Variants in NAV2 observed in about 807,000 individuals in gnomAD.
The protein encoded by NAV2 is helicase, APC down-regulated 1.
In NAV2, 54 loss-of-function variants were observed where a neutral mutation model predicts 223.2. That is an observed-to-expected ratio of 0.24 (90% CI 0.19 to 0.30). The LOEUF (loss-of-function observed/expected upper bound fraction) is 0.30, where lower values mean the gene tolerates loss of function less well. Ranked by LOEUF, NAV2 falls within the 10% of genes least tolerant of loss-of-function variation. The probability of loss-of-function intolerance (pLI) is 1.00; values close to 1 mark genes in which losing one functional copy is unlikely to be tolerated. For missense variants in NAV2, 2,806 were observed against 3,147.5 expected (o/e 0.89, Z 2.60); for synonymous variants, 1,279 against 1,239.3 (o/e 1.03, Z -0.67).
intron 1 of NAV2, among the ~76,000 whole-genome samples, chr11:19,660,204 C>T (rs896937542): frequency 6.6e-6 from 1 of 152,172 alleles, no homozygotes; most frequent in Admixed American, 6.5e-5. Context: ...GGTAGCACGG[C>T]AAGTCTGGAC....
chr11:20,021,688 A>AC (rs1173956828), intron 11 of NAV2, among the ~76,000 whole-genome samples: 2 of 151,282 alleles, frequency 1.3e-5, no homozygotes, highest in African/African-American at 4.9e-5. Flanking sequence ...CCCACTGCCC[A>AC]CCCCCACCTC....
intron 5 of NAV2, among the ~76,000 whole-genome samples, chr11:19,890,515 G>A (rs982557085): frequency 2.0e-5 from 3 of 152,020 alleles, no homozygotes; most frequent in Non-Finnish European, 4.4e-5. Context: ...TGTGACCTGC[G>A]TTCCCCTACA....
chr11:19,624,007 G>T (rs1488504278), intron 1 of NAV2, among the ~76,000 whole-genome samples: 2 of 152,206 alleles, frequency 1.3e-5, no homozygotes, highest in African/African-American at 2.4e-5. Context: ...TCAGCTGCAG[G>T]TCTGTTGGAA....
At chr11:19,421,492 G>A (rs1362300733) in intron 1 of NAV2, among the ~76,000 whole-genome samples, 1 of 152,158 alleles carries the variant, frequency 6.6e-6, no homozygotes, top group Non-Finnish European at 1.5e-5. Flanking sequence ...TTATTTTGTT[G>A]CATATAAGGA....
intron 1 of NAV2, among the ~76,000 whole-genome samples, chr11:19,366,405 T>C (rs1040732321): frequency 5.3e-5 from 8 of 152,220 alleles, no homozygotes; most frequent in African/African-American, 1.9e-4. Flanking sequence ...TCCTGCTTCC[T>C]GCTTGCTTCT....
At chr11:19,789,069 A>C (rs1487315934) in intron 1 of NAV2, among the ~76,000 whole-genome samples, 1 of 152,198 alleles carries the variant, frequency 6.6e-6, no homozygotes, top group Non-Finnish European at 1.5e-5. Context: ...GTAAATATTC[A>C]TTTATTTGAC....
At chr11:20,087,410 A>G (rs995969095) in intron 26 of NAV2, among the ~76,000 whole-genome samples, 2 of 152,114 alleles carry the variant, frequency 1.3e-5, no homozygotes, top group African/African-American at 4.8e-5. Context: ...CTTGTTTCCA[A>G]CCTCGAAGGG....
intron 1 of NAV2, among the ~76,000 whole-genome samples, chr11:19,680,292 C>G (rs73426628): frequency 6.6e-6 from 1 of 152,206 alleles, no homozygotes; most frequent in Non-Finnish European, 1.5e-5. Context: ...TCCTGAGCAG[C>G]GTGATCTGCT....
chr11:19,371,362 GT>G (rs1378860077), intron 1 of NAV2, among the ~76,000 whole-genome samples: 1 of 152,078 alleles, frequency 6.6e-6, no homozygotes, highest in African/African-American at 2.4e-5. Flanking sequence ...TGTTCTTCCT[GT>G]TTCCATCTGA....
chr11:19,996,852 T>A (rs1029795122), intron 11 of NAV2, among the ~76,000 whole-genome samples: 12 of 152,080 alleles, frequency 7.9e-5, no homozygotes, highest in African/African-American at 2.9e-4. Flanking sequence ...GACCCTGACA[T>A]TTTGAGGGAT....
chr11:20,078,171 A>T, intron 24 of NAV2, 67 bp downstream of exon 24: 1 of 1,082,392 alleles, frequency 9.2e-7, no homozygotes, highest in Middle Eastern at 2.0e-4. Flanking sequence ...CCCTGACATC[A>T]TATGATGCAA....
rs1384297785 is a variant in NAV2, at chr11:19,998,562, C to T, written c.2768+14315C>T. 2.0e-5 allele frequency among the ~76,000 whole-genome samples: 3 copies of T among 152,170 alleles called. No homozygotes were observed. The highest frequency in any genetic ancestry group is 2.0e-4 in the Admixed American group (3 of 15,278). On this transcript the variant is annotated intron_variant, in intron 11 of 37. Transcript: ENST00000349880. This position sits in a 1 kb window ranked among gnomAD's most constrained non-coding sequence, Gnocchi z 5.0. ...CGTGGCCTCCAAGGGGGTGTGTGTT[C>T]TGGCCCCTGCGCACCTCTCCAGCCT...
Position 20,091,003 on chromosome 11 carries a change from C to A in NAV2, c.5637C>A (p.Ala1879=). Residue 1879 remains alanine (A), a synonymous_variant, in exon 27 of 38, where the codon GCC becomes GCA. Coordinates refer to ENST00000349880, the MANE Select transcript of NAV2 (RefSeq NM_145117.5). ...ACCAGCTGGACCAGCTCCGGGAGGC[C>A]ATGAACAGGATGCAGGTGAGAGCCC... is the stretch of plus-strand genomic sequence containing the variant. ...SAHQLDQLRE[A]MNRMQSEIEK... 1 of 1,613,364 alleles carries A rather than the reference C, an allele frequency of 6.2e-7. No individual in the cohort carries two copies. The highest frequency in any genetic ancestry group is 8.5e-7 in the Non-Finnish European group (1 of 1,179,810).
At chr11:20,016,851 A>C (rs1479891700) in intron 11 of NAV2, among the ~76,000 whole-genome samples, 1 of 150,000 alleles carries the variant, frequency 6.7e-6, no homozygotes, top group African/African-American at 2.4e-5. Context: ...AAAAAAAAAA[A>C]AAAAATTAGC....
chr11:19,607,916 A>G (rs1461830436), intron 1 of NAV2, among the ~76,000 whole-genome samples: 5 of 152,384 alleles, frequency 3.3e-5, no homozygotes, highest in Admixed American at 3.3e-4. Context: ...ATGCTAGATC[A>G]GGAGGCTAAA....
At chr11:19,730,336 C>A (rs2051645356) in intron 1 of NAV2, among the ~76,000 whole-genome samples, 1 of 151,986 alleles carries the variant, frequency 6.6e-6, no homozygotes, top group African/African-American at 2.4e-5. Flanking sequence ...CACATCCAGA[C>A]CCCCCACCCA....
intron 1 of NAV2, among the ~76,000 whole-genome samples, chr11:19,428,809 A>T (rs1850934572): frequency 6.6e-6 from 1 of 152,220 alleles, no homozygotes. Context: ...AAATGAGCAG[A>T]GGTGTACAAG....
At chr11:20,007,905 G>A (rs1294614264) in intron 11 of NAV2, among the ~76,000 whole-genome samples, 1 of 152,160 alleles carries the variant, frequency 6.6e-6, no homozygotes, top group Non-Finnish European at 1.5e-5. Context: ...TTTTGGATTT[G>A]TAAAAACATT....
intron 1 of NAV2, among the ~76,000 whole-genome samples, chr11:19,668,211 A>G (rs986077630): frequency 2.0e-5 from 3 of 152,210 alleles, no homozygotes; most frequent in Non-Finnish European, 4.4e-5. Flanking sequence ...TGCATTTCAC[A>G]TATGAAACAT....
Sources: gnomAD v4.1 joint callset for allele counts (sites outside exome capture counted in the v4.1 genomes callset) on GRCh38, gnomAD v4.1.1 for gene constraint, Gnocchi (gnomAD v3.1) non-coding constraint, MANE v1.5 for transcripts, NCBI Gene and HGNC (gene_info 2026-07-23, HGNC 2026-07-21) for gene names.